GSE1: variants seen among roughly 807,000 people sequenced by gnomAD.
GSE1 encodes the protein Gse1 coiled-coil protein.
A neutral mutation model predicts 112.6 loss-of-function variants in GSE1; 32 were observed. That is an observed-to-expected ratio of 0.28 (90% CI 0.21 to 0.38). The LOEUF is 0.38. Ranked by LOEUF, GSE1 falls within the 10% of genes least tolerant of loss-of-function variation. The pLI is 1.00. For synonymous variants in GSE1, 1,115 were observed against 735.6 expected (o/e 1.52, Z -8.35); for missense variants, 2,348 against 1,699.2 (o/e 1.38, Z -6.71).
At chr16:85,211,503 G>A (rs947742305) in intron 1 of GSE1, among the ~76,000 whole-genome samples, 4 of 152,146 alleles carry the variant, frequency 2.6e-5, no homozygotes, top group African/African-American at 9.7e-5. Context: ...AGTCACTGGC[G>A]GCGAGCCTCG....
At position 85,661,521 on chromosome 16, in the gene GSE1, G is replaced by A. The variant is rs749931883; in HGVS notation, c.2016G>A (p.Gly672=). Residue 672 remains glycine (G), a synonymous_variant, in exon 9 of 16, where the codon GGG becomes GGA. Transcript: ENST00000253458. ...LEHQPFLPGP[G]PFLAELEKST... is the part of the protein sequence containing the mutation. The stretch of plus-strand genomic sequence containing the variant: ...ACCAGCCCTTCCTGCCCGGGCCCGG[G>A]CCCTTCCTGGCTGAGCTCGAGAAGT... 7 of 1,612,008 alleles carry A rather than the reference G, an allele frequency of 4.3e-6. No homozygotes were observed. Among genetic ancestry groups the A allele is most frequent in the Non-Finnish European group, 5.1e-6 (6 of 1,179,702 alleles).
intron 3 of GSE1, 24 bp downstream of exon 3, chr16:85,648,775 C>T (rs763231116): frequency 7.1e-7 from 1 of 1,405,780 alleles, no homozygotes; most frequent in Non-Finnish European, 9.7e-7. Flanking sequence ...GGCAGGGAGC[C>T]TAGCGTCCTC....
chr16:85,304,678 T>G (rs1468258823), intron 1 of GSE1, among the ~76,000 whole-genome samples: 1 of 148,956 alleles, frequency 6.7e-6, no homozygotes, highest in Middle Eastern at 3.5e-3. Flanking sequence ...AAGCCACCTG[T>G]TGGCAGCTGG....
At chr16:85,246,200 TACAC>T (rs545313239) in intron 1 of GSE1, among the ~76,000 whole-genome samples, 9,549 of 88,942 alleles carry the variant, frequency 0.11, 573 homozygotes, top group East Asian at 0.18. Context: ...TCAGGGACCC[TACAC>T]ACACACACAC....
chr16:85,372,382 G>C (rs1462094753), intron 2 of GSE1, among the ~76,000 whole-genome samples: 1 of 151,666 alleles, frequency 6.6e-6, no homozygotes, highest in Non-Finnish European at 1.5e-5. Context: ...TGGAGGCTGA[G>C]GTGGGAGGCT....
At chr16:85,633,825 T>TGCTGCTGACACCGGC (rs1361972474) in intron 1 of GSE1, 89 bp from the exon 2 acceptor site, 18 of 983,530 alleles carry the variant, frequency 1.8e-5, no homozygotes, top group Admixed American at 1.6e-4. Context: ...CCCTGCCTGC[T>TGCTGCTGACACCGGC]GCTGCTGACA....
At chr16:85,529,469 A>C (rs2052474519) in intron 2 of GSE1, among the ~76,000 whole-genome samples, 1 of 152,228 alleles carries the variant, frequency 6.6e-6, no homozygotes, top group Non-Finnish European at 1.5e-5. Flanking sequence ...TTTAAACCCC[A>C]GAGTTCCAGC....
chr16:85,487,435 G>A (rs2050876693), intron 2 of GSE1, among the ~76,000 whole-genome samples: 4 of 152,190 alleles, frequency 2.6e-5, no homozygotes, highest in African/African-American at 9.7e-5. Context: ...CATGGTCTAC[G>A]TTCGCACCTG....
chr16:85,626,331 C>T (rs997490557), intron 1 of GSE1, among the ~76,000 whole-genome samples: 3 of 152,224 alleles, frequency 2.0e-5, no homozygotes, highest in Non-Finnish European at 4.4e-5. Context: ...CCTGCGATCA[C>T]GTGGTGCCCG....
At chr16:85,667,857 CA>C (rs2053000738) in intron 13 of GSE1, among the ~76,000 whole-genome samples, 2 of 151,492 alleles carry the variant, frequency 1.3e-5, no homozygotes, top group Admixed American at 1.3e-4. Context: ...TGAGGGCAGC[CA>C]AAACAAAAAA....
chr16:85,173,772 A>G (rs921393969), intron 1 of GSE1, among the ~76,000 whole-genome samples: 3 of 152,204 alleles, frequency 2.0e-5, no homozygotes, highest in African/African-American at 4.8e-5. Context: ...GCCGTTTCCC[A>G]GGCAGCTGGG....
In GSE1 at chr16:85,519,335, T is replaced by A. The variant is rs376533921; in HGVS notation, c.2465-114579T>A. Among the ~76,000 whole-genome samples the A allele has an allele frequency of 2.0e-3, 103 of 51,036 alleles. 1 individual carries two copies. In the East Asian group the frequency reaches 0.041, roughly 20 times the overall value. The allele number at this position is 51,036 out of a possible 152,430, so 33.5% of individuals were successfully genotyped here. A position where few individuals can be genotyped will look rare whatever the true frequency, so the allele number is the denominator to read the frequency against. On this transcript the variant is annotated intron_variant, in intron 2 of 2. Coordinates refer to the GSE1 transcript ENST00000637419. The stretch of plus-strand genomic sequence containing the variant: ...CATCACCTTCACCACCATCATCACT[T>A]TTACCACCATCACTATCATCATCAC...
At chr16:85,435,284 G>A (rs1020064759) in intron 2 of GSE1, among the ~76,000 whole-genome samples, 4 of 152,114 alleles carry the variant, frequency 2.6e-5, no homozygotes, top group African/African-American at 9.7e-5. Context: ...CAGCTCTAGA[G>A]ATGGAGACCT....
At chr16:85,224,323 A>AAAAAAAAAAG (rs2075445330) in intron 1 of GSE1, among the ~76,000 whole-genome samples, 1 of 149,012 alleles carries the variant, frequency 6.7e-6, no homozygotes. Flanking sequence ...AAAAAAAAAA[A>AAAAAAAAAAG]AAAAAAAAGG....
chr16:85,614,595 GC>G (rs909671728), intron 1 of GSE1, among the ~76,000 whole-genome samples: 3 of 152,234 alleles, frequency 2.0e-5, no homozygotes, highest in African/African-American at 7.2e-5. Context: ...TGGGCCGGGG[GC>G]CTGGCCGCAG....
At chr16:85,290,936 C>G (rs2045191120) in intron 1 of GSE1, among the ~76,000 whole-genome samples, 1 of 152,114 alleles carries the variant, frequency 6.6e-6, no homozygotes. Flanking sequence ...TGCCGGGTCC[C>G]CAAGCAGGGA....
chr16:85,366,058 CT>C (rs1355239966), intron 2 of GSE1, among the ~76,000 whole-genome samples: 1 of 152,258 alleles, frequency 6.6e-6, no homozygotes, highest in Non-Finnish European at 1.5e-5. Flanking sequence ...CCTGGGACGG[CT>C]TTTGTCTCTT....
intron 8 of GSE1, among the ~76,000 whole-genome samples, chr16:85,658,170 G>C (rs1003792707): frequency 6.6e-6 from 1 of 152,322 alleles, no homozygotes; most frequent in Middle Eastern, 3.4e-3. Flanking sequence ...CTGGGCCCCA[G>C]TGCCCCCAGT....
rs2046358500 is a variant in GSE1 at position 85,331,531 on chromosome 16, A to ATG, written c.2284-25931_2284-25930insGT. On this transcript the variant is annotated intron_variant, in intron 1 of 2. Transcript: ENST00000637419. ...TATGTATATATGTGTATATATGTGT[A>ATG]TATGTGTATATGTGTGTATATATGT... is the stretch of plus-strand genomic sequence containing the variant. Among the ~76,000 whole-genome samples, 7 of 96,208 alleles carry ATG rather than the reference A, an allele frequency of 7.3e-5. No homozygotes were observed. The South Asian group carries it at 2.6e-3, about 35-fold the overall frequency. 63.1% of individuals were successfully genotyped at this position (96,208 alleles called of 152,430 possible). A position where few individuals can be genotyped will look rare whatever the true frequency, so the allele number is the denominator to read the frequency against.
Sources: gnomAD v4.1 joint callset for allele counts (sites outside exome capture counted in the v4.1 genomes callset) on GRCh38, gnomAD v4.1.1 for gene constraint, MANE v1.5 for transcripts, NCBI Gene and HGNC (gene_info 2026-07-23, HGNC 2026-07-21) for gene names.